Variants in EEF2K observed in about 807,000 individuals in gnomAD.
EEF2K encodes the protein eukaryotic elongation factor 2 kinase, also known as alternative protein EEF2K.
Under a neutral mutation model 93.8 loss-of-function variants are expected in EEF2K, and 70 were observed. The ratio of observed to expected loss-of-function variants is 0.75; its 90% confidence interval spans 0.62 to 0.91. EEF2K has a LOEUF of 0.91. EEF2K is among the 40% of genes least tolerant of loss of function. EEF2K has a pLI of 0.00. For missense variants in EEF2K, 935 were observed against 972.9 expected (o/e 0.96, Z 0.52); for synonymous variants, 376 against 380.8 (o/e 0.99, Z 0.15).
At chr16:22,216,208 G>A (rs1295325191) in intron 1 of EEF2K, among the ~76,000 whole-genome samples, 1 of 152,150 alleles carries the variant, frequency 6.6e-6, no homozygotes, top group Non-Finnish European at 1.5e-5. Flanking sequence ...CTCCAGCTAG[G>A]GTTTAAAATA....
intron 15 of EEF2K, among the ~76,000 whole-genome samples, chr16:22,271,932 C>G (rs1163583511): frequency 1.3e-5 from 2 of 152,190 alleles, no homozygotes; most frequent in African/African-American, 4.8e-5. Flanking sequence ...TCATTTGCCT[C>G]TGATGTGAGC....
chr16:22,228,696 C>T (rs1162701621), intron 2 of EEF2K, among the ~76,000 whole-genome samples: 1 of 152,188 alleles, frequency 6.6e-6, no homozygotes, highest in Non-Finnish European at 1.5e-5. Flanking sequence ...AATTATTTAA[C>T]ACGTGACAAT....
At chr16:22,267,958 A>C (rs932120619) in intron 15 of EEF2K, among the ~76,000 whole-genome samples, 2 of 152,118 alleles carry the variant, frequency 1.3e-5, no homozygotes, top group Non-Finnish European at 2.9e-5. Flanking sequence ...ATCTGTTCCC[A>C]TCCTCCCCAT....
intron 12 of EEF2K, 93 bp downstream of exon 12, chr16:22,263,280 G>C: frequency 8.5e-7 from 1 of 1,177,722 alleles, no homozygotes; most frequent in Non-Finnish European, 1.2e-6. Context: ...GGGGGAATAT[G>C]AGTGGGTCCT....
At chr16:22,255,744 A>G (rs1331097025) in intron 6 of EEF2K, among the ~76,000 whole-genome samples, 8 of 152,002 alleles carry the variant, frequency 5.3e-5, no homozygotes, top group Admixed American at 5.2e-4. Context: ...CCTCGTCTCT[A>G]TAAAAAAATT....
Position 22,251,323 on chromosome 16 carries a change from G to A in EEF2K, c.618+1G>A. The stretch of plus-strand genomic sequence containing the variant: ...TAATCGGCACAAGCCCCCCAAGCAG[G>A]TGCGTGGCCCCACTACCTGCCCCCT... On this transcript the variant is annotated splice_donor_variant, in intron 6 of 17. Coordinates refer to ENST00000263026, the MANE Select transcript of EEF2K (RefSeq NM_013302.5). LOFTEE classifies it high-confidence loss of function. 2 of 1,613,918 alleles carry A rather than the reference G, an allele frequency of 1.2e-6. No individual in the cohort carries two copies. The highest frequency in any genetic ancestry group is 1.7e-6 in the Non-Finnish European group (2 of 1,179,906).
At chr16:22,256,599 C>T in intron 6 of EEF2K, 149 bp from the exon 7 acceptor site, 1 of 774,440 alleles carries the variant, frequency 1.3e-6, no homozygotes, top group South Asian at 2.5e-5. Flanking sequence ...TTCTGGGCAT[C>T]ATCAGGAGCT....
At chr16:22,220,369 A>C (rs1213742638) in intron 1 of EEF2K, among the ~76,000 whole-genome samples, 1 of 152,072 alleles carries the variant, frequency 6.6e-6, no homozygotes, top group Non-Finnish European at 1.5e-5. Flanking sequence ...AAGATGAGGG[A>C]GTCGGCTCCG....
At chr16:22,274,259 G>T (rs989720314) in intron 16 of EEF2K, among the ~76,000 whole-genome samples, 10 of 152,028 alleles carry the variant, frequency 6.6e-5, no homozygotes, top group Admixed American at 6.6e-4. Context: ...TGACCAACAT[G>T]GTGAAACCCC....
chr16:22,229,275 G>A (rs1431852925), intron 2 of EEF2K, among the ~76,000 whole-genome samples: 1 of 152,210 alleles, frequency 6.6e-6, no homozygotes, highest in Non-Finnish European at 1.5e-5. Flanking sequence ...AGAGACATAT[G>A]TGCAATGTGA....
intron 16 of EEF2K, among the ~76,000 whole-genome samples, 165 bp from the exon 17 acceptor site, chr16:22,280,033 T>C (rs953815793): frequency 2.0e-5 from 3 of 152,178 alleles, no homozygotes; most frequent in African/African-American, 2.4e-5. Context: ...AATATCACAG[T>C]ATGAAGGTGC....
chr16:22,213,974 G>A (rs907411533), intron 1 of EEF2K, among the ~76,000 whole-genome samples: 2 of 152,204 alleles, frequency 1.3e-5, no homozygotes, highest in African/African-American at 2.4e-5. Flanking sequence ...CAGGTTCCAG[G>A]GATTAGGATG....
intron 1 of EEF2K, among the ~76,000 whole-genome samples, chr16:22,220,670 C>T (rs2047003029): frequency 6.6e-6 from 1 of 152,210 alleles, no homozygotes; most frequent in Non-Finnish European, 1.5e-5. Context: ...GCCTCGAACT[C>T]CTGAGCTCAA....
intron 2 of EEF2K, among the ~76,000 whole-genome samples, chr16:22,242,431 C>T (rs1406463077): frequency 6.6e-6 from 1 of 151,984 alleles, no homozygotes; most frequent in Non-Finnish European, 1.5e-5. Context: ...AGCGATTTTC[C>T]TGCCTCAGCC....
rs1202699489 is a variant in EEF2K at position 22,251,232 on chromosome 16, A to C, written c.528A>C (p.Val176=). ...NYVAKRYIEP[V]DRDVYFEDVR... ...TGGCGAAGCGCTACATCGAGCCCGT[A>C]GACCGGGATGTGTACTTTGAGGACG... is the stretch of plus-strand genomic sequence containing the variant. The change falls in exon 6 of 18, where the codon GTA becomes GTC. Residue 176 remains valine, a synonymous_variant. Transcript: ENST00000263026. 1 of 1,614,136 alleles carries C rather than the reference A, an allele frequency of 6.2e-7. No homozygotes were observed. The highest frequency in any genetic ancestry group is 2.2e-5 in the East Asian group (1 of 44,862).
chr16:22,265,056 G>A, intron 13 of EEF2K, 176 bp downstream of exon 13: 1 of 631,440 alleles, frequency 1.6e-6, no homozygotes. Flanking sequence ...CTGCAGGGCA[G>A]GATGCTGGGG....
intron 8 of EEF2K, 115 bp downstream of exon 8, chr16:22,257,500 C>G: frequency 1.3e-6 from 2 of 1,545,706 alleles, no homozygotes; most frequent in Non-Finnish European, 1.7e-6. Flanking sequence ...TTTTCAAGAT[C>G]ATGGAGATGG....
At chr16:22,227,449 C>T (rs1367987615) in intron 2 of EEF2K, among the ~76,000 whole-genome samples, 1 of 152,054 alleles carries the variant, frequency 6.6e-6, no homozygotes, top group Non-Finnish European at 1.5e-5. Flanking sequence ...TCTCAAACTC[C>T]TGGCCTCAAG....
chr16:22,253,663 CT>C (rs200380200), intron 6 of EEF2K, among the ~76,000 whole-genome samples: 6,050 of 146,392 alleles, frequency 0.041, 385 homozygotes, highest in African/African-American at 0.14. Context: ...ATCATTCTAA[CT>C]TTTTTTTTTT....
Sources: gnomAD v4.1 joint callset for allele counts (sites outside exome capture counted in the v4.1 genomes callset) on GRCh38, gnomAD v4.1.1 for gene constraint, MANE v1.5 for transcripts, NCBI Gene and HGNC (gene_info 2026-07-23, HGNC 2026-07-21) for gene names.